MLLT3: variants seen among roughly 807,000 people sequenced by gnomAD.
MLLT3 encodes the protein protein AF-9.
In MLLT3, 4 loss-of-function variants were observed where a neutral mutation model predicts 53.2. That is an observed-to-expected ratio of 0.08 (90% CI 0.04 to 0.17). The LOEUF is 0.17. MLLT3 is among the 10% of genes least tolerant of loss of function. MLLT3 has a pLI of 1.00. For synonymous variants in MLLT3, 283 were observed against 230.6 expected (o/e 1.23, Z -2.06); for missense variants, 569 against 684.0 (o/e 0.83, Z 1.87).
intron 3 of MLLT3, among the ~76,000 whole-genome samples, chr9:20,449,935 C>T (rs1374527779): frequency 6.6e-6 from 1 of 152,186 alleles, no homozygotes; most frequent in African/African-American, 2.4e-5. Flanking sequence ...CACAAGGAGT[C>T]AGTTCCACCT....
intron 2 of MLLT3, among the ~76,000 whole-genome samples, chr9:20,550,672 T>G (rs866755760): frequency 6.6e-6 from 1 of 152,200 alleles, no homozygotes; most frequent in Non-Finnish European, 1.5e-5. Flanking sequence ...ATGTTGGGAT[T>G]ACAGGCATGA....
intron 4 of MLLT3, among the ~76,000 whole-genome samples, chr9:20,414,840 G>A (rs1435354074): frequency 2.0e-5 from 3 of 152,136 alleles, no homozygotes; most frequent in Non-Finnish European, 2.9e-5. Context: ...AGCATGGGGC[G>A]AAGAATAATT....
intron 5 of MLLT3, among the ~76,000 whole-genome samples, chr9:20,396,368 C>G (rs1489106694): frequency 6.6e-6 from 1 of 152,092 alleles, no homozygotes; most frequent in African/African-American, 2.4e-5. Flanking sequence ...CTTTTTACTA[C>G]CCTTTGATTC....
intron 10 of MLLT3, among the ~76,000 whole-genome samples, chr9:20,351,149 T>C (rs1270881168): frequency 6.6e-6 from 1 of 152,212 alleles, no homozygotes; most frequent in African/African-American, 2.4e-5. Context: ...GAGAACATCA[T>C]TTTCATCAGA....
intron 2 of MLLT3, among the ~76,000 whole-genome samples, chr9:20,479,397 AC>A (rs929928107): frequency 6.6e-6 from 1 of 152,062 alleles, no homozygotes; most frequent in African/African-American, 2.4e-5. Context: ...ATCTAGAGCA[AC>A]CCTTTTTTTT....
At chr9:20,466,183 G>T (rs1245163075) in intron 2 of MLLT3, among the ~76,000 whole-genome samples, 1 of 152,000 alleles carries the variant, frequency 6.6e-6, no homozygotes, top group Non-Finnish European at 1.5e-5. Context: ...TTAGGATTTT[G>T]GAATATTTGC....
chr9:20,502,112 C>T (rs1187196859), intron 2 of MLLT3, among the ~76,000 whole-genome samples: 1 of 146,114 alleles, frequency 6.8e-6, no homozygotes. Flanking sequence ...GGGGGACTAC[C>T]TTTTAAGGAA....
intron 2 of MLLT3, among the ~76,000 whole-genome samples, chr9:20,567,868 A>C (rs913469208): frequency 3.3e-5 from 5 of 152,122 alleles, no homozygotes; most frequent in African/African-American, 4.8e-5. Context: ...GGGTTTAAAA[A>C]AGAGAAAGGC....
intron 2 of MLLT3, among the ~76,000 whole-genome samples, chr9:20,569,261 T>C (rs868599372): frequency 3.2e-4 from 48 of 152,278 alleles, no homozygotes; most frequent in African/African-American, 1.1e-3. Context: ...GGAACTCTTA[T>C]CGTTCCCATT....
chr9:20,571,226 T>G (rs1197037793), intron 2 of MLLT3, among the ~76,000 whole-genome samples: 1 of 152,200 alleles, frequency 6.6e-6, no homozygotes, highest in African/African-American at 2.4e-5. Context: ...CAAAAACCTT[T>G]TAACTGCAAC....
intron 2 of MLLT3, among the ~76,000 whole-genome samples, chr9:20,499,727 A>C (rs778518807): frequency 3.9e-5 from 6 of 152,196 alleles, no homozygotes; most frequent in Non-Finnish European, 7.3e-5. Flanking sequence ...GTACATGAAG[A>C]AAAAAACTTG....
intron 10 of MLLT3, among the ~76,000 whole-genome samples, chr9:20,350,391 C>T (rs890877233): frequency 4.1e-4 from 63 of 152,066 alleles, no homozygotes; most frequent in African/African-American, 5.6e-4. Context: ...GTCAGGAGAT[C>T]AAGACCAACC....
At chr9:20,590,322 C>T (rs531945303) in intron 2 of MLLT3, among the ~76,000 whole-genome samples, 2 of 152,296 alleles carry the variant, frequency 1.3e-5, no homozygotes, top group East Asian at 3.9e-4. Flanking sequence ...AGTCCCTATA[C>T]TTACTGCTGA....
intron 2 of MLLT3, among the ~76,000 whole-genome samples, chr9:20,515,226 G>A (rs766683931): frequency 1.3e-4 from 20 of 152,120 alleles, no homozygotes; most frequent in African/African-American, 4.3e-4. Context: ...GATTACAGGC[G>A]TGAGCCACTG....
At chr9:20,500,051 T>C (rs968297981) in intron 2 of MLLT3, among the ~76,000 whole-genome samples, 4 of 152,236 alleles carry the variant, frequency 2.6e-5, no homozygotes, top group Admixed American at 2.0e-4. Flanking sequence ...CAATTATCTA[T>C]TGATACATAA....
At chr9:20,527,593 T>C (rs1371095547) in intron 2 of MLLT3, among the ~76,000 whole-genome samples, 1 of 152,202 alleles carries the variant, frequency 6.6e-6, no homozygotes, top group Admixed American at 6.5e-5. Flanking sequence ...CTAAAGTCCA[T>C]GATTTTTCCA....
intron 4 of MLLT3, among the ~76,000 whole-genome samples, chr9:20,428,392 A>C (rs1823187611): frequency 6.6e-6 from 1 of 152,036 alleles, no homozygotes; most frequent in Non-Finnish European, 1.5e-5. Flanking sequence ...AATTATGCTA[A>C]AATTTAAAAA....
In MLLT3 at chr9:20,562,310, C is replaced by T. The variant is rs146172721; in HGVS notation, c.193+58344G>A. 1.9e-3 allele frequency among the ~76,000 whole-genome samples: 295 copies of T among 152,086 alleles called. 2 individuals are homozygous for T. The highest frequency in any genetic ancestry group is 6.9e-3 in the African/African-American group (285 of 41,490). On this transcript the variant is annotated intron_variant, in intron 2 of 10. Coordinates refer to ENST00000380338, the MANE Select transcript of MLLT3 (RefSeq NM_004529.4). ...TAAAAATGCGGTTGAATTCTGCTATCGCTGTTTCCACTCCCACCACTACCT... is the reference window on the plus strand; with the variant it reads ...TAAAAATGCGGTTGAATTCTGCTATTGCTGTTTCCACTCCCACCACTACCT...
intron 2 of MLLT3, among the ~76,000 whole-genome samples, chr9:20,582,007 T>C (rs1819805472): frequency 6.6e-6 from 1 of 152,216 alleles, no homozygotes; most frequent in Non-Finnish European, 1.5e-5. Context: ...TTATATTAAA[T>C]TATTCTCCTT....
Sources: gnomAD v4.1 joint callset for allele counts (sites outside exome capture counted in the v4.1 genomes callset) on GRCh38, gnomAD v4.1.1 for gene constraint, MANE v1.5 for transcripts, NCBI Gene and HGNC (gene_info 2026-07-23, HGNC 2026-07-21) for gene names.